Variants in CEPT1 observed in about 807,000 individuals in gnomAD.
The protein encoded by CEPT1 is choline/ethanolaminephosphotransferase 1.
A neutral mutation model predicts 42.6 loss-of-function variants in CEPT1; 7 were observed. That is an observed-to-expected ratio of 0.16 (90% CI 0.09 to 0.31). The LOEUF is 0.31. Among genes scored for constraint, CEPT1 ranks in the 10% least tolerant of loss-of-function variants. CEPT1 has a pLI of 1.00. For synonymous variants in CEPT1, 171 were observed against 171.9 expected (o/e 0.99, Z 0.04); for missense variants, 306 against 502.1 (o/e 0.61, Z 3.73).
rs1185044154 is a variant in CEPT1, at chr1:111,147,882, T to C, written c.168T>C (p.Tyr56=). 3.1e-6 allele frequency: 5 copies of C among 1,613,952 alleles called. No individual in the cohort carries two copies. The highest frequency in any genetic ancestry group is 4.5e-5 in the East Asian group (2 of 44,892). The change falls in exon 2 of 9, where the codon TAT becomes TAC. Residue 56 remains tyrosine, a synonymous_variant. Transcript: ENST00000357172. ...TAAAGCGGCTAGAAGAACACAGATATCAAAGTGCTGGACGGTCCCTGCTTG... is the reference window on the plus strand; with the variant it reads ...TAAAGCGGCTAGAAGAACACAGATACCAAAGTGCTGGACGGTCCCTGCTTG... The part of the protein sequence containing the change: ...HQLKRLEEHR[Y]QSAGRSLLEP...
At chr1:111,157,280 A>G (rs1655622005) in intron 2 of CEPT1, among the ~76,000 whole-genome samples, 2 of 152,148 alleles carry the variant, frequency 1.3e-5, no homozygotes, top group Admixed American at 6.5e-5. Context: ...ATTTTGCCCC[A>G]TTAAAATCTT....
intron 2 of CEPT1, among the ~76,000 whole-genome samples, chr1:111,149,266 C>CTTTTTTTTTTTTTTTTTTTTTTTTTT (rs775722606): frequency 2.3e-5 from 3 of 127,948 alleles, no homozygotes; most frequent in Non-Finnish European, 4.8e-5. Flanking sequence ...GGTTTCTCCT[C>CTTTTTTTTTTTTTTTTTTTTTTTTTT]TTTTTTTTTT....
intron 1 of CEPT1, among the ~76,000 whole-genome samples, chr1:111,146,911 G>A (rs1654999065): frequency 6.7e-6 from 1 of 148,486 alleles, no homozygotes; most frequent in Admixed American, 6.8e-5. Flanking sequence ...GTCTATATTC[G>A]TTTTTACCAA....
intron 5 of CEPT1, chr1:111,180,626 A>C (rs975242680): frequency 2.0e-5 from 3 of 152,242 alleles, no homozygotes; most frequent in African/African-American, 7.2e-5. Context: ...CTACAGTACA[A>C]TTTAAACTTG....
At chr1:111,159,610 CATGAGA>C (rs746476068) in intron 3 of CEPT1, 83 bp downstream of exon 3, 2 of 1,016,062 alleles carry the variant, frequency 2.0e-6, no homozygotes, top group African/African-American at 3.4e-5. Flanking sequence ...CATGTTTAGT[CATGAGA>C]ATAAGTAATT....
At chr1:111,171,841 T>C (rs1216487429) in intron 4 of CEPT1, among the ~76,000 whole-genome samples, 2 of 152,162 alleles carry the variant, frequency 1.3e-5, no homozygotes, top group African/African-American at 4.8e-5. Flanking sequence ...CTGGTTCAAG[T>C]GATTCTCCCG....
rs1657146645 is a variant in CEPT1, at chr1:111,184,289, A to G, written c.1230A>G (p.Thr410=). 1.9e-6 allele frequency: 3 copies of G among 1,612,214 alleles called. No individual in the cohort carries two copies. Among genetic ancestry groups the G allele is most frequent in the Admixed American group, 3.3e-5 (2 of 59,888 alleles). ...HIHVFRIKVS[T]AHSNHH ...ATGTCTTCAGAATCAAGGTCTCTAC[A>G]GCTCATTCTAATCATCATTAATGAT... The change falls in exon 9 of 9, where the codon ACA becomes ACG. Residue 410 remains threonine (T), a synonymous_variant. Coordinates refer to ENST00000357172, the MANE Select transcript of CEPT1 (RefSeq NM_006090.5).
At chr1:111,182,682 A>G (rs779980936) in intron 6 of CEPT1, 117 bp from the exon 7 acceptor site, 8 of 881,968 alleles carry the variant, frequency 9.1e-6, no homozygotes, top group Non-Finnish European at 1.0e-5. Flanking sequence ...ATTGCTGCCT[A>G]TCAGGCACCA....
At chr1:111,156,443 G>A (rs1415306432) in intron 2 of CEPT1, among the ~76,000 whole-genome samples, 4 of 152,178 alleles carry the variant, frequency 2.6e-5, no homozygotes, top group African/African-American at 9.7e-5. Context: ...TGCACTCTAA[G>A]TTCAATGTTA....
At chr1:111,155,023 C>G (rs1021070264) in intron 2 of CEPT1, among the ~76,000 whole-genome samples, 5 of 152,116 alleles carry the variant, frequency 3.3e-5, no homozygotes, top group African/African-American at 1.2e-4. Flanking sequence ...GAAGAATTTT[C>G]TCTCCAGTAT....
chr1:111,157,022 A>G (rs2101289243), intron 2 of CEPT1, among the ~76,000 whole-genome samples: 1 of 152,282 alleles, frequency 6.6e-6, no homozygotes, highest in East Asian at 1.9e-4. Context: ...TTCATTCAGT[A>G]TCTCCCCCAG....
intron 6 of CEPT1, 37 bp from the exon 7 acceptor site, chr1:111,182,762 A>C: frequency 6.4e-7 from 1 of 1,569,874 alleles, no homozygotes; most frequent in Non-Finnish European, 8.7e-7. Context: ...TCTGATGAGT[A>C]CTGAATACTA....
At chr1:111,148,876 G>C (rs774290736) in intron 2 of CEPT1, among the ~76,000 whole-genome samples, 2 of 152,214 alleles carry the variant, frequency 1.3e-5, no homozygotes, top group Admixed American at 6.5e-5. Context: ...AGACTGATCA[G>C]TTTCTGGTAA....
intron 5 of CEPT1, chr1:111,178,998 A>G (rs2101396201): frequency 6.6e-6 from 1 of 152,358 alleles, no homozygotes; most frequent in East Asian, 1.9e-4. Context: ...AATGATTTAC[A>G]AACAGGCATT....
In CEPT1 at chr1:111,184,869, T is replaced by TA. The variant is rs397965546; in HGVS notation, c.*561dup. The TA allele has an allele frequency of 1.3e-5, 2 of 150,114 alleles. No individual in the cohort carries two copies. The highest frequency in any genetic ancestry group is 6.7e-5 in the Admixed American group (1 of 14,984). 9.3% of individuals were successfully genotyped at this position (150,114 alleles called of 1,614,324 possible). A position where few individuals can be genotyped will look rare whatever the true frequency, so the allele number is the denominator to read the frequency against. ...GTCCTTTTTTTTTTTTTTTTTTTTTTAATTGCTCAAGAAATGATTCTCTCA... is the reference window on the plus strand; with the variant it reads ...GTCCTTTTTTTTTTTTTTTTTTTTTTAAATTGCTCAAGAAATGATTCTCTCA... On this transcript the variant is annotated 3_prime_UTR_variant, in exon 9 of 9. Transcript: ENST00000357172.
intron 4 of CEPT1, among the ~76,000 whole-genome samples, chr1:111,165,575 A>G (rs575490608): frequency 1.3e-5 from 2 of 152,298 alleles, no homozygotes; most frequent in Admixed American, 6.5e-5. Context: ...TAATTTGTAA[A>G]ATAAGCTTTA....
intron 1 of CEPT1, among the ~76,000 whole-genome samples, chr1:111,145,216 G>C (rs890176369): frequency 6.6e-6 from 1 of 151,984 alleles, no homozygotes; most frequent in Non-Finnish European, 1.5e-5. Flanking sequence ...GGGTTTCACC[G>C]TGTTGGCCAG....
At chr1:111,176,397 A>G (rs957048434) in intron 5 of CEPT1, among the ~76,000 whole-genome samples, 33 of 152,212 alleles carry the variant, frequency 2.2e-4, no homozygotes, top group African/African-American at 7.7e-4. Context: ...CCCCATTCCT[A>G]AAGTTTTTAT....
At chr1:111,174,087 G>A (rs1222571734) in intron 4 of CEPT1, among the ~76,000 whole-genome samples, 1 of 152,130 alleles carries the variant, frequency 6.6e-6, no homozygotes, top group Non-Finnish European at 1.5e-5. Context: ...ATCTAAGAAT[G>A]ATAATCTCAA....
Sources: allele counts gnomAD v4.1 joint callset (sites outside exome capture counted in the v4.1 genomes callset), GRCh38; gene constraint gnomAD v4.1.1; transcripts MANE v1.5; gene names NCBI Gene and HGNC (gene_info 2026-07-23, HGNC 2026-07-21).